Variants in RALGPS1 observed in about 807,000 individuals in gnomAD.
RALGPS1 encodes Ral GEF with PH domain and SH3 binding motif 1.
A neutral mutation model predicts 78.8 loss-of-function variants in RALGPS1; 19 were observed. The ratio of observed to expected loss-of-function variants is 0.24; its 90% confidence interval spans 0.17 to 0.35. The LOEUF is 0.35. RALGPS1 is among the 10% of genes least tolerant of loss of function. The probability of loss-of-function intolerance (pLI) is 1.00; values close to 1 mark genes in which losing one functional copy is unlikely to be tolerated. For synonymous variants in RALGPS1, 228 were observed against 256.3 expected, an observed-to-expected ratio of 0.89 and a Z score of 1.06; for missense variants, 454 against 688.3, an observed-to-expected ratio of 0.66 and a Z score of 3.81.
At chr9:127,043,638 GCAAAACA>G (rs1274889516) in intron 5 of RALGPS1, among the ~76,000 whole-genome samples, 1 of 152,062 alleles carries the variant, frequency 6.6e-6, no homozygotes. Context: ...TTTTCACTCT[GCAAAACA>G]CATGGTAAAG....
intron 5 of RALGPS1, among the ~76,000 whole-genome samples, chr9:127,037,559 T>G (rs2046964998): frequency 6.6e-6 from 1 of 152,250 alleles, no homozygotes; most frequent in Admixed American, 6.5e-5. Context: ...CTTCAAATAT[T>G]GCTGAATCTA....
intron 8 of RALGPS1, among the ~76,000 whole-genome samples, chr9:127,136,432 CTGCT>C (rs2057396497): frequency 6.6e-6 from 1 of 152,214 alleles, no homozygotes; most frequent in Admixed American, 6.5e-5. Flanking sequence ...TCCCGGGACC[CTGCT>C]GGGAGCTCCC....
intron 8 of RALGPS1, among the ~76,000 whole-genome samples, chr9:127,085,538 CATT>C (rs2051621895): frequency 6.6e-6 from 1 of 152,206 alleles, no homozygotes; most frequent in Admixed American, 6.5e-5. Context: ...CCCTACCTTT[CATT>C]TTCTCCACAT....
intron 4 of RALGPS1, among the ~76,000 whole-genome samples, chr9:127,007,613 A>G (rs1384596764): frequency 6.6e-6 from 1 of 152,188 alleles, no homozygotes; most frequent in Non-Finnish European, 1.5e-5. Flanking sequence ...AAAGGGGAGA[A>G]GGAGTTTTTC....
rs58541875 is a variant in RALGPS1 at position 127,041,031 on chromosome 9, TTGTGTGTGTGTGTGTG to T, written c.300+6537_300+6552del. On this transcript the variant is annotated intron_variant, in intron 5 of 18. Coordinates refer to ENST00000259351, the MANE Select transcript of RALGPS1 (RefSeq NM_014636.3). ...CTATGAATAAAGCTGCTACAAACAT[TTGTGTGTGTGTGTGTG>T]TGTGTGTGTGTGTGTGTGTATGTAC... 2.9e-5 allele frequency among the ~76,000 whole-genome samples: 4 copies of T among 135,826 alleles called. No homozygotes were observed. In the East Asian group the frequency reaches 6.6e-4, roughly 23 times the overall value. The allele number at this position is 135,826 out of a possible 152,430, so 89.1% of individuals were successfully genotyped here.
rs61758793 is a variant in RALGPS1, at chr9:127,034,453, G to A, written c.239G>A (p.Ser80Asn). Residue 80 changes from serine to asparagine, a missense_variant, in exon 5 of 19, where the codon AGT becomes AAT. Coordinates refer to ENST00000259351, the MANE Select transcript of RALGPS1 (RefSeq NM_014636.3). ...TAGGAACTAGCCAGCTGTGGATGGA[G>A]TAAGAAGGAGAAACACAGTCTTGCC... ...QPEELASCGW[S>N]KKEKHSLAPN... 3 of 1,614,014 alleles carry A rather than the reference G, an allele frequency of 1.9e-6. No individual in the cohort carries two copies. Among genetic ancestry groups the A allele is most frequent in the African/African-American group, 1.3e-5 (1 of 74,918 alleles).
intron 1 of RALGPS1, among the ~76,000 whole-genome samples, chr9:126,960,784 A>G (rs1262752220): frequency 6.6e-6 from 1 of 152,062 alleles, no homozygotes; most frequent in Admixed American, 6.6e-5. Context: ...CAAATTCATC[A>G]TCCTTCCCCC....
Position 127,091,951 on chromosome 9 carries a change from C to A in RALGPS1, c.610+22595C>A, listed in dbSNP as rs1452172210. ...GTTCCCAAACCCTTGCTGGGGAAAACCCAGGAGAGTGTTAATGTGGAGCCT... is the reference window on the plus strand; with the variant it reads ...GTTCCCAAACCCTTGCTGGGGAAAAACCAGGAGAGTGTTAATGTGGAGCCT... On this transcript the variant is annotated intron_variant, in intron 8 of 18. Coordinates refer to ENST00000259351, the MANE Select transcript of RALGPS1 (RefSeq NM_014636.3). The surrounding 1 kb of genome is among the most constrained non-coding windows in gnomAD (Gnocchi z 4.3). The A allele has an allele frequency of 6.2e-7, 1 of 1,612,730 alleles. No individual in the cohort carries two copies. The highest frequency in any genetic ancestry group is 8.5e-7 in the Non-Finnish European group (1 of 1,179,034).
intron 8 of RALGPS1, among the ~76,000 whole-genome samples, chr9:127,152,282 C>T (rs145919571): frequency 2.8e-4 from 42 of 152,284 alleles, no homozygotes; most frequent in African/African-American, 9.9e-4. Context: ...AGTATTCTTT[C>T]GTATTATCCT....
intron 4 of RALGPS1, among the ~76,000 whole-genome samples, chr9:127,006,169 G>C (rs2043823021): frequency 6.6e-6 from 1 of 152,206 alleles, no homozygotes; most frequent in African/African-American, 2.4e-5. Flanking sequence ...GATGCCCACT[G>C]TCACCACTCC....
At chr9:126,965,993 C>G in intron 3 of RALGPS1, 42 bp downstream of exon 3, 5 of 1,480,488 alleles carry the variant, frequency 3.4e-6, no homozygotes, top group Non-Finnish European at 4.7e-6. Context: ...GGCACCACAG[C>G]AGGGCACTAG....
chr9:127,179,367 G>A (rs1405997975), intron 11 of RALGPS1, among the ~76,000 whole-genome samples: 3 of 152,152 alleles, frequency 2.0e-5, no homozygotes, highest in Admixed American at 6.5e-5. Context: ...GGGGCCAGAG[G>A]GGCAGCTCCA....
intron 1 of RALGPS1, among the ~76,000 whole-genome samples, chr9:126,959,984 G>T (rs1402872368): frequency 6.6e-6 from 1 of 152,216 alleles, no homozygotes; most frequent in African/African-American, 2.4e-5. Context: ...TGGGAAGGTA[G>T]AAGGCTCACA....
At chr9:127,138,883 C>T (rs915849681) in intron 8 of RALGPS1, among the ~76,000 whole-genome samples, 3 of 152,172 alleles carry the variant, frequency 2.0e-5, no homozygotes, top group East Asian at 1.9e-4. Context: ...CTAGGGTTAC[C>T]GTTACTGGGG....
At position 127,218,343 on chromosome 9, in the gene RALGPS1, G is replaced by A. The variant is rs887450772; in HGVS notation, c.1645-397G>A. Among the ~76,000 whole-genome samples, 2 of 152,308 alleles carry A rather than the reference G, an allele frequency of 1.3e-5. No individual in the cohort carries two copies. Among genetic ancestry groups the A allele is most frequent in the South Asian group, 4.1e-4 (2 of 4,822 alleles). Reference sequence around the variant, plus strand: ...CTCTGCACACACCTCAGGCCTTCAGGATTTGTCTCTCTGCCCCAAGCGCAG... The same window carrying A: ...CTCTGCACACACCTCAGGCCTTCAGAATTTGTCTCTCTGCCCCAAGCGCAG... On this transcript the variant is annotated intron_variant, in intron 18 of 18. Coordinates refer to ENST00000259351, the MANE Select transcript of RALGPS1 (RefSeq NM_014636.3). The surrounding 1 kb of genome is among the most constrained non-coding windows in gnomAD (Gnocchi z 4.4).
chr9:126,980,324 A>G (rs1474993272), intron 4 of RALGPS1, among the ~76,000 whole-genome samples: 2 of 152,232 alleles, frequency 1.3e-5, no homozygotes, highest in Non-Finnish European at 2.9e-5. Flanking sequence ...TGCTCCCAGG[A>G]GATCAGGAAA....
chr9:127,025,003 G>T (rs948010656), intron 4 of RALGPS1, among the ~76,000 whole-genome samples: 1 of 152,134 alleles, frequency 6.6e-6, no homozygotes, highest in African/African-American at 2.4e-5. Context: ...GTGTTCTCAT[G>T]TGGAGACCTT....
At chr9:126,916,627 C>G (rs1007852131) in intron 1 of RALGPS1, among the ~76,000 whole-genome samples, 2 of 152,082 alleles carry the variant, frequency 1.3e-5, no homozygotes, top group Admixed American at 6.5e-5. Context: ...CTAAAAAATA[C>G]AAAAGTCAGC....
intron 18 of RALGPS1, chr9:127,216,859 C>T (rs540498760): frequency 1.6e-5 from 23 of 1,451,032 alleles, no homozygotes; most frequent in Non-Finnish European, 1.9e-5. Context: ...CTCTGAGGGC[C>T]GCTCTCTTAA....
Sources: gnomAD v4.1 joint callset for allele counts (sites outside exome capture counted in the v4.1 genomes callset) on GRCh38, gnomAD v4.1.1 for gene constraint, Gnocchi (gnomAD v3.1) non-coding constraint, MANE v1.5 for transcripts, NCBI Gene and HGNC (gene_info 2026-07-23, HGNC 2026-07-21) for gene names.